Variants in CCSER1 observed in about 807,000 individuals in gnomAD.
CCSER1 encodes the protein serine-rich coiled-coil domain-containing protein 1.
In CCSER1, 41 loss-of-function variants were observed where a neutral mutation model predicts 82.0. That is an observed-to-expected ratio of 0.50 (90% CI 0.39 to 0.65). The LOEUF is 0.65. CCSER1 is among the 30% of genes least tolerant of loss of function. The probability of loss-of-function intolerance (pLI) is 0.00; values close to 1 mark genes in which losing one functional copy is unlikely to be tolerated. For missense variants in CCSER1, 1,119 were observed against 1,064.2 expected, an observed-to-expected ratio of 1.05 and a Z score of -0.72; for synonymous variants, 414 against 383.9, an observed-to-expected ratio of 1.08 and a Z score of -0.92.
intron 10 of CCSER1, among the ~76,000 whole-genome samples, chr4:91,317,917 C>T (rs1745942357): frequency 6.6e-6 from 1 of 152,070 alleles, no homozygotes; most frequent in African/African-American, 2.4e-5. Context: ...GCATCCAGTA[C>T]ACCCACTGTG....
At chr4:91,495,219 G>A (rs1462794743) in intron 10 of CCSER1, among the ~76,000 whole-genome samples, 2 of 151,612 alleles carry the variant, frequency 1.3e-5, no homozygotes, top group African/African-American at 2.4e-5. Flanking sequence ...AGGAAAGACA[G>A]TCATTAAGTA....
intron 5 of CCSER1, among the ~76,000 whole-genome samples, chr4:90,572,689 A>G (rs989354631): frequency 6.6e-6 from 1 of 151,998 alleles, no homozygotes; most frequent in Admixed American, 6.6e-5. Context: ...GTTTTTTAAA[A>G]GTATATGTTC....
chr4:91,513,577 G>T (rs541077522), intron 10 of CCSER1, among the ~76,000 whole-genome samples: 2 of 152,236 alleles, frequency 1.3e-5, no homozygotes, highest in South Asian at 2.1e-4. Context: ...ATTCAGCTGT[G>T]AATCCATCTG....
intron 3 of CCSER1, among the ~76,000 whole-genome samples, chr4:90,398,028 G>T (rs1175002262): frequency 1.3e-5 from 2 of 152,148 alleles, no homozygotes; most frequent in South Asian, 2.1e-4. Context: ...CACAGTTCTG[G>T]AAGCTGGAAG....
At chr4:90,592,916 C>A (rs945163832) in intron 5 of CCSER1, among the ~76,000 whole-genome samples, 6 of 152,096 alleles carry the variant, frequency 3.9e-5, no homozygotes, top group Admixed American at 3.3e-4. Flanking sequence ...TTGTTAAACT[C>A]TTCTATAACA....
intron 7 of CCSER1, among the ~76,000 whole-genome samples, chr4:90,777,017 G>C (rs1373443286): frequency 6.6e-6 from 1 of 152,088 alleles, no homozygotes; most frequent in East Asian, 1.9e-4. Context: ...TCGTATGAAT[G>C]ATTAACTAAT....
chr4:90,819,054 G>A (rs948587342), intron 8 of CCSER1, among the ~76,000 whole-genome samples: 13 of 152,250 alleles, frequency 8.5e-5, no homozygotes, highest in African/African-American at 2.9e-4. Context: ...TCTGAGATCC[G>A]GTGCCAGAGT....
At chr4:90,202,717 C>T (rs1010681332) in intron 1 of CCSER1, among the ~76,000 whole-genome samples, 17 of 152,170 alleles carry the variant, frequency 1.1e-4, no homozygotes, top group African/African-American at 4.1e-4. Flanking sequence ...TTTAGGAATG[C>T]TTTCTAATTC....
rs558337441 is a variant in CCSER1 at position 90,933,619 on chromosome 4, G to T, written c.2172+10172G>T. Among the ~76,000 whole-genome samples the T allele has an allele frequency of 1.5e-4, 23 of 151,728 alleles. No individual in the cohort carries two copies. In the East Asian group the frequency reaches 3.1e-3, roughly 20 times the overall value. On this transcript the variant is annotated intron_variant, in intron 9 of 10. Transcript: ENST00000509176. ...TGTCATAAAAGTACAAAACTAAAAA[G>T]AATTTATGTAATTCATAAAAATGTA...
At chr4:90,785,741 G>T in intron 7 of CCSER1, among the ~76,000 whole-genome samples, 1 of 151,728 alleles carries the variant, frequency 6.6e-6, no homozygotes. Context: ...TTTTTACAAT[G>T]TTAACATTTT....
At chr4:91,067,738 G>A (rs911364504) in intron 9 of CCSER1, among the ~76,000 whole-genome samples, 1 of 152,186 alleles carries the variant, frequency 6.6e-6, no homozygotes, top group African/African-American at 2.4e-5. Context: ...TTTCTCACAG[G>A]TTTCTGTGCT....
At chr4:90,594,516 A>G (rs914740584) in intron 5 of CCSER1, among the ~76,000 whole-genome samples, 1 of 152,122 alleles carries the variant, frequency 6.6e-6, no homozygotes, top group Admixed American at 6.6e-5. Context: ...TTCTACCACT[A>G]TAGTAAACAG....
rs116038851 is a variant in CCSER1, at chr4:90,382,383, G to T, written c.1510-17653G>T. Among the ~76,000 whole-genome samples the T allele has an allele frequency of 8.0e-3, 1,218 of 152,060 alleles. 14 individuals are homozygous for T. Among genetic ancestry groups the T allele is most frequent in the African/African-American group, 0.028 (1,172 of 41,498 alleles). ...GTGTGTTTTAAACTAATCCTTCAAA[G>T]ACTAGGAAATAGAACTCTATACCTT... On this transcript the variant is annotated intron_variant, in intron 3 of 10. Coordinates refer to ENST00000509176, the MANE Select transcript of CCSER1 (RefSeq NM_001145065.2).
At chr4:90,541,371 A>G (rs1295753192) in intron 5 of CCSER1, among the ~76,000 whole-genome samples, 1 of 152,140 alleles carries the variant, frequency 6.6e-6, no homozygotes, top group Non-Finnish European at 1.5e-5. Context: ...CTTCAAAGTC[A>G]GCTTTTCTCT....
chr4:90,729,614 G>A (rs1215615489), intron 7 of CCSER1, among the ~76,000 whole-genome samples: 4 of 152,112 alleles, frequency 2.6e-5, no homozygotes, highest in African/African-American at 7.2e-5. Flanking sequence ...AGTGGCTCAC[G>A]CCTGTAATCC....
chr4:90,712,885 A>T (rs1740897067), intron 6 of CCSER1, among the ~76,000 whole-genome samples: 1 of 146,478 alleles, frequency 6.8e-6, no homozygotes, highest in Non-Finnish European at 1.5e-5. Flanking sequence ...CTTTACCATT[A>T]TATAATGTCC....
intron 5 of CCSER1, among the ~76,000 whole-genome samples, chr4:90,619,302 G>A (rs1247765662): frequency 2.0e-5 from 3 of 151,940 alleles, no homozygotes; most frequent in Non-Finnish European, 4.4e-5. Flanking sequence ...TGGTGAATGA[G>A]AGGGTGGGAA....
At chr4:91,409,750 T>A (rs1560649105) in intron 10 of CCSER1, among the ~76,000 whole-genome samples, 1 of 152,182 alleles carries the variant, frequency 6.6e-6, no homozygotes, top group Non-Finnish European at 1.5e-5. Context: ...GCAGTGGCAC[T>A]CAGCTCACTG....
intron 1 of CCSER1, among the ~76,000 whole-genome samples, chr4:90,246,210 G>A (rs1721371028): frequency 6.6e-6 from 1 of 151,896 alleles, no homozygotes; most frequent in Admixed American, 6.6e-5. Context: ...TAATGTGTAT[G>A]TGTGTGTGTG....
Sources: allele counts gnomAD v4.1 joint callset (sites outside exome capture counted in the v4.1 genomes callset), GRCh38; gene constraint gnomAD v4.1.1; transcripts MANE v1.5; gene names NCBI Gene and HGNC (gene_info 2026-07-23, HGNC 2026-07-21).